TUSC3: variants seen among roughly 807,000 people sequenced by gnomAD.
TUSC3 encodes the protein tumor suppressor candidate 3.
A neutral mutation model predicts 44.8 loss-of-function variants in TUSC3; 45 were observed. The observed-to-expected ratio is 1.00, with a 90% CI of 0.79 to 1.29. The LOEUF (loss-of-function observed/expected upper bound fraction) is 1.29. TUSC3 is among the 50% of genes most tolerant of loss of function. The pLI, the probability that TUSC3 is intolerant of heterozygous loss-of-function variation, is 0.00. For synonymous variants in TUSC3, 212 were observed against 152.9 expected (o/e 1.39, Z -2.85); for missense variants, 519 against 437.9 (o/e 1.19, Z -1.65).
At chr8:15,520,081 C>T (rs1801275182) in intron 2 of TUSC3, among the ~76,000 whole-genome samples, 1 of 152,138 alleles carries the variant, frequency 6.6e-6, no homozygotes, top group African/African-American at 2.4e-5. Flanking sequence ...TTCATTCTTC[C>T]AATTCCCCTT....
At chr8:15,850,882 C>G in the TUSC3 span, among the ~76,000 whole-genome samples, 1 of 152,156 alleles carries the variant, frequency 6.6e-6, no homozygotes, top group Non-Finnish European at 1.5e-5. Flanking sequence ...AAACCTCCTT[C>G]GAATTCCTGT....
chr8:15,520,980 A>T (rs931968386), intron 2 of TUSC3, among the ~76,000 whole-genome samples: 1 of 152,198 alleles, frequency 6.6e-6, no homozygotes, highest in East Asian at 1.9e-4. Context: ...TGTTACAAGA[A>T]AAGCTTGGGA....
chr8:15,770,127 C>A (rs1436172721), downstream of TUSC3, among the ~76,000 whole-genome samples: 1 of 152,106 alleles, frequency 6.6e-6, no homozygotes. Flanking sequence ...TTTGTTGCAG[C>A]ACTGTTCATA....
At chr8:15,519,533 C>G (rs1262829688) in intron 2 of TUSC3, among the ~76,000 whole-genome samples, 1 of 152,062 alleles carries the variant, frequency 6.6e-6, no homozygotes, top group Non-Finnish European at 1.5e-5. Flanking sequence ...ATGACCTGGG[C>G]TCCTCCTCCT....
At chr8:15,726,531 T>C (rs1458048328) in intron 6 of TUSC3, among the ~76,000 whole-genome samples, 3 of 152,134 alleles carry the variant, frequency 2.0e-5, no homozygotes. Context: ...TGGGGCCAGG[T>C]GCGGTGGCTC....
the TUSC3 span, among the ~76,000 whole-genome samples, chr8:15,789,272 C>A: frequency 6.6e-6 from 1 of 152,232 alleles, no homozygotes; most frequent in South Asian, 2.1e-4. Context: ...GTTCAGTGTA[C>A]CGTAATATGG....
chr8:15,546,848 T>G (rs1801885764), intron 1 of TUSC3, among the ~76,000 whole-genome samples: 1 of 151,612 alleles, frequency 6.6e-6, no homozygotes, highest in Non-Finnish European at 1.5e-5. Flanking sequence ...GAAGAATAAT[T>G]TTTTTCATGG....
At position 15,766,414 on chromosome 8, in the gene TUSC3, T is replaced by C. The variant is rs1812327646; in HGVS notation, c.*2258T>C. ...TTGAATAATTGATTTGTACCTGGTA[T>C]GTTATATCCTCCAGTGTCACTTTTT... On this transcript the variant is annotated 3_prime_UTR_variant, in exon 11 of 11. Transcript: ENST00000503731. 1.3e-5 allele frequency: 2 copies of C among 152,158 alleles called. No homozygotes were observed. Among genetic ancestry groups the C allele is most frequent in the Non-Finnish European group, 2.9e-5 (2 of 67,998 alleles). The allele number at this position is 152,158 out of a possible 1,614,324, so 9.4% of individuals were successfully genotyped here.
chr8:15,828,161 A>G, the TUSC3 span, among the ~76,000 whole-genome samples: 1 of 151,866 alleles, frequency 6.6e-6, no homozygotes, highest in Non-Finnish European at 1.5e-5. Context: ...CACCTGGCTA[A>G]TTTTTGTATT....
In TUSC3 at chr8:15,743,587, G is replaced by A. The variant is rs17121892; in HGVS notation, c.912G>A (p.Ser304=). 7,728 of 1,613,862 alleles carry A rather than the reference G, an allele frequency of 4.8e-3. 289 individuals carry two copies. In the African/African-American group the frequency reaches 0.087, roughly 18 times the overall value. ...TTCTTCTAAATGAAGCAGCAACTTC[G>A]AAAGGCGATGTTGGAAAAAGACGGA... ...GMVLLNEAAT[S]KGDVGKRRII... The change falls in exon 8 of 11, where the codon TCG becomes TCA. Residue 304 remains serine (S), a synonymous_variant. Transcript: ENST00000503731.
At chr8:15,605,027 A>G (rs1000287028) in intron 1 of TUSC3, among the ~76,000 whole-genome samples, 1 of 151,868 alleles carries the variant, frequency 6.6e-6, no homozygotes, top group Admixed American at 6.6e-5. Context: ...ACTCCAGGCC[A>G]TTTTTACTGA....
intron 6 of TUSC3, among the ~76,000 whole-genome samples, chr8:15,714,238 T>C (rs760284563): frequency 1.5e-4 from 23 of 152,190 alleles, no homozygotes; most frequent in Non-Finnish European, 2.5e-4. Context: ...AGCACACTTA[T>C]AAAGGATTTG....
chr8:15,459,952 G>T (rs1004453920), intron 1 of TUSC3, among the ~76,000 whole-genome samples: 3 of 152,042 alleles, frequency 2.0e-5, no homozygotes, highest in Admixed American at 6.6e-5. Flanking sequence ...GGGCATTTGG[G>T]TTGGTTCCAG....
intron 2 of TUSC3, among the ~76,000 whole-genome samples, chr8:15,529,731 C>A (rs1801425725): frequency 6.8e-6 from 1 of 146,020 alleles, no homozygotes; most frequent in South Asian, 2.2e-4. Flanking sequence ...GGATTTTCCT[C>A]TTATAATGTC....
At chr8:15,700,611 A>G (rs76010123) in intron 6 of TUSC3, among the ~76,000 whole-genome samples, 3,065 of 152,200 alleles carry the variant, frequency 0.02, 97 homozygotes, top group African/African-American at 0.07. Flanking sequence ...GTGAGTGTTG[A>G]GAAATGAGGC....
At chr8:15,786,963 A>AT in the TUSC3 span, among the ~76,000 whole-genome samples, 1 of 150,804 alleles carries the variant, frequency 6.6e-6, no homozygotes, top group East Asian at 1.9e-4. Context: ...AAAAAAAAAA[A>AT]AAGACTAGAG....
At chr8:15,614,557 AT>A (rs2129160431) in intron 1 of TUSC3, among the ~76,000 whole-genome samples, 1 of 152,220 alleles carries the variant, frequency 6.6e-6, no homozygotes, top group East Asian at 1.9e-4. Flanking sequence ...GTGGTCTGTT[AT>A]GTCTGGCTTC....
chr8:15,434,853 A>G (rs7836524), intron 1 of TUSC3, among the ~76,000 whole-genome samples: 24,856 of 151,702 alleles, frequency 0.16, 2,093 homozygotes, highest in Middle Eastern at 0.22. Context: ...TGTCCCTACA[A>G]AGGACATGAA....
chr8:15,777,366 C>T, the TUSC3 span, among the ~76,000 whole-genome samples: 2 of 152,108 alleles, frequency 1.3e-5, no homozygotes, highest in Admixed American at 6.6e-5. Context: ...CTCCGTATTT[C>T]CTTGACTGCA....
Sources: allele counts gnomAD v4.1 joint callset (sites outside exome capture counted in the v4.1 genomes callset), GRCh38; gene constraint gnomAD v4.1.1; transcripts MANE v1.5; gene names NCBI Gene and HGNC (gene_info 2026-07-23, HGNC 2026-07-21).